Variants in SETBP1 observed in about 807,000 individuals in gnomAD.
SETBP1 encodes the protein SET binding protein 1.
In SETBP1, 9 loss-of-function variants were observed where a neutral mutation model predicts 101.0. The ratio of observed to expected loss-of-function variants is 0.09; its 90% CI spans 0.05 to 0.16. The LOEUF is 0.16. SETBP1 is among the 10% of genes least tolerant of loss of function. The pLI is 1.00. For synonymous variants in SETBP1, 818 were observed against 788.5 expected (o/e 1.04, Z -0.63); for missense variants, 1,858 against 2,033.8 (o/e 0.91, Z 1.66).
At chr18:44,748,272 C>T (rs2070304858) in intron 2 of SETBP1, among the ~76,000 whole-genome samples, 2 of 152,152 alleles carry the variant, frequency 1.3e-5, no homozygotes, top group Admixed American at 1.3e-4. Context: ...AGAAGGGGTG[C>T]AAATATATTT....
intron 2 of SETBP1, among the ~76,000 whole-genome samples, chr18:44,812,027 G>C (rs1476161619): frequency 6.6e-6 from 1 of 152,166 alleles, no homozygotes; most frequent in African/African-American, 2.4e-5. Context: ...TGGGTGGCCT[G>C]AGCAGCTGCC....
At chr18:44,878,844 G>A (rs1201592422) in intron 3 of SETBP1, among the ~76,000 whole-genome samples, 2 of 152,178 alleles carry the variant, frequency 1.3e-5, no homozygotes, top group Non-Finnish European at 2.9e-5. Context: ...CCAAAAGAGA[G>A]GGGCCCTCAT....
chr18:44,841,404 A>G (rs1047488956), intron 2 of SETBP1, among the ~76,000 whole-genome samples: 1 of 152,194 alleles, frequency 6.6e-6, no homozygotes, highest in African/African-American at 2.4e-5. Context: ...TGTCTTGGAA[A>G]TCACACCCCT....
intron 3 of SETBP1, among the ~76,000 whole-genome samples, chr18:44,945,834 G>T (rs568217457): frequency 6.6e-6 from 1 of 152,274 alleles, no homozygotes; most frequent in Non-Finnish European, 1.5e-5. Flanking sequence ...GGTTAATAAA[G>T]ACCTGAGTCA....
intron 3 of SETBP1, among the ~76,000 whole-genome samples, chr18:44,895,993 C>T (rs969113451): frequency 2.6e-5 from 4 of 152,096 alleles, no homozygotes; most frequent in Non-Finnish European, 5.9e-5. Flanking sequence ...ACACACACTC[C>T]CTGATAGGAG....
chr18:45,050,124 A>T (rs1425509854), intron 5 of SETBP1, among the ~76,000 whole-genome samples: 1 of 152,256 alleles, frequency 6.6e-6, no homozygotes, highest in Non-Finnish European at 1.5e-5. Flanking sequence ...ATCACAATTA[A>T]ATGAGGAAAT....
intron 2 of SETBP1, among the ~76,000 whole-genome samples, chr18:44,864,873 T>A (rs1307030044): frequency 1.3e-5 from 2 of 151,906 alleles, no homozygotes; most frequent in African/African-American, 4.8e-5. Context: ...ACAACAAGGC[T>A]ACCATGAGCA....
chr18:45,001,894 G>T (rs2072624976), intron 4 of SETBP1, among the ~76,000 whole-genome samples: 1 of 152,102 alleles, frequency 6.6e-6, no homozygotes, highest in Admixed American at 6.5e-5. Context: ...ACAGAATAAA[G>T]TCAGGGTGGG....
intron 3 of SETBP1, among the ~76,000 whole-genome samples, chr18:44,927,540 A>C (rs919880449): frequency 2.6e-5 from 4 of 152,214 alleles, no homozygotes; most frequent in African/African-American, 9.7e-5. Flanking sequence ...CTGATGAACA[A>C]TCTTAAGGTA....
intron 3 of SETBP1, among the ~76,000 whole-genome samples, chr18:44,890,413 G>A (rs183657633): frequency 7.9e-5 from 12 of 152,222 alleles, no homozygotes; most frequent in African/African-American, 2.9e-4. Context: ...TTCTCCATCT[G>A]AGAGATTGTC....
At chr18:44,935,063 C>G (rs965147757) in intron 3 of SETBP1, among the ~76,000 whole-genome samples, 1 of 150,864 alleles carries the variant, frequency 6.6e-6, no homozygotes, top group Non-Finnish European at 1.5e-5. Flanking sequence ...CAGGGAGGAG[C>G]GGCAATGAAT....
intron 2 of SETBP1, among the ~76,000 whole-genome samples, chr18:44,852,708 G>A (rs1364886015): frequency 1.3e-5 from 2 of 152,150 alleles, no homozygotes; most frequent in Admixed American, 6.5e-5. Flanking sequence ...AAGTAAAATG[G>A]CTTTTCCTGG....
intron 2 of SETBP1, among the ~76,000 whole-genome samples, chr18:44,806,462 G>GCTA (rs1437726804): frequency 1.3e-5 from 2 of 151,740 alleles, no homozygotes; most frequent in Admixed American, 1.3e-4. Flanking sequence ...GTGTCTTTCT[G>GCTA]CTATCACAAA....
chr18:44,985,838 C>G (rs530752029), intron 4 of SETBP1, among the ~76,000 whole-genome samples: 3 of 152,158 alleles, frequency 2.0e-5, no homozygotes, highest in Non-Finnish European at 4.4e-5. Flanking sequence ...ATGAAGGGCA[C>G]AGAGATCCTG....
intron 2 of SETBP1, among the ~76,000 whole-genome samples, chr18:44,848,442 G>A (rs2120313): frequency 6.6e-6 from 1 of 152,150 alleles, no homozygotes; most frequent in Non-Finnish European, 1.5e-5. Flanking sequence ...TGCTCATATG[G>A]AAATACACAT....
At chr18:44,740,398 G>A (rs1167795252) in intron 2 of SETBP1, among the ~76,000 whole-genome samples, 2 of 152,220 alleles carry the variant, frequency 1.3e-5, no homozygotes, top group African/African-American at 4.8e-5. Context: ...TAACACTTGT[G>A]ATCAGTTATT....
At chr18:44,867,567 A>T (rs665119) in intron 2 of SETBP1, among the ~76,000 whole-genome samples, 133,384 of 152,232 alleles carry the variant, frequency 0.88, 58,587 homozygotes, top group African/African-American at 0.93. Flanking sequence ...AGGCAGGGAC[A>T]AAGTCTATCA....
chr18:44,941,515 A>T (rs1394246204), intron 3 of SETBP1, among the ~76,000 whole-genome samples: 1 of 151,796 alleles, frequency 6.6e-6, no homozygotes, highest in East Asian at 1.9e-4. Flanking sequence ...TCTGCTTGGG[A>T]TTCGTTGAGC....
At chr18:44,809,987 C>T (rs1255247602) in intron 2 of SETBP1, among the ~76,000 whole-genome samples, 1 of 152,204 alleles carries the variant, frequency 6.6e-6, no homozygotes, top group African/African-American at 2.4e-5. Flanking sequence ...GCAAATTGTC[C>T]TTAGGGCCTC....
Sources: allele counts gnomAD v4.1 joint callset (sites outside exome capture counted in the v4.1 genomes callset), GRCh38; gene constraint gnomAD v4.1.1; transcripts MANE v1.5; gene names NCBI Gene and HGNC (gene_info 2026-07-23, HGNC 2026-07-21).